COL11A2: variants seen among roughly 807,000 people sequenced by gnomAD.
The protein encoded by COL11A2 is collagen alpha-2(XI) chain.
In COL11A2, 116 loss-of-function variants were observed where a neutral mutation model predicts 273.4. The ratio of observed to expected loss-of-function variants is 0.42; its 90% CI spans 0.36 to 0.49. The LOEUF (loss-of-function observed/expected upper bound fraction) is 0.49. Among genes scored for constraint, COL11A2 ranks in the 20% least tolerant of loss-of-function variants. The probability of loss-of-function intolerance (pLI) is 0.00; values close to 1 mark genes in which losing one functional copy is unlikely to be tolerated. For missense variants in COL11A2, 1,866 were observed against 2,309.0 expected (o/e 0.81, Z 3.93); for synonymous variants, 782 against 864.2 (o/e 0.90, Z 1.67).
chr6:33,179,655 AC>A lies in COL11A2; in HGVS notation c.1446+63del. ...CCCAGGCCTCCCCTGCCGCACACTC[AC>A]TCCAGCCAACCCTTCCAGTGCCCCC... is the stretch of plus-strand genomic sequence containing the variant. On this transcript the variant is annotated intron_variant, in intron 13 of 65. Transcript: ENST00000341947. The surrounding 1 kb of genome is among the most constrained non-coding windows in gnomAD (Gnocchi z 6.4). The A allele has an allele frequency of 6.3e-7, 1 of 1,583,526 alleles. No homozygotes were observed. The highest frequency in any genetic ancestry group is 8.6e-7 in the Non-Finnish European group (1 of 1,160,406).
intron 8 of COL11A2, 53 bp from the exon 9 acceptor site, chr6:33,181,223 C>A: frequency 6.4e-7 from 1 of 1,574,096 alleles, no homozygotes; most frequent in Non-Finnish European, 8.7e-7. Flanking sequence ...AGCCAGGACA[C>A]TAGGCCTTTC....
In COL11A2 at chr6:33,184,061, C is replaced by T. The variant is rs1772053192; in HGVS notation, c.1119+84G>A. On this transcript the variant is annotated intron_variant, in intron 8 of 65. Transcript: ENST00000341947. ...CAGATGGGAAATAGCTCACAGCCAA[C>T]AGCCAAGGATCGAAACCAACAAGAA... 4 of 1,221,078 alleles carry T rather than the reference C, an allele frequency of 3.3e-6. No homozygotes were observed. In the Admixed American group the frequency reaches 5.8e-5, roughly 18 times the overall value. 75.6% of individuals were successfully genotyped at this position (1,221,078 alleles called of 1,614,324 possible). A position where few individuals can be genotyped will look rare whatever the true frequency, so the allele number is the denominator to read the frequency against.
chr6:33,170,259 G>A lies in COL11A2; in HGVS notation c.3582+67C>T. The A allele has an allele frequency of 6.3e-7, 1 of 1,584,364 alleles. No individual in the cohort carries two copies. Among genetic ancestry groups the A allele is most frequent in the East Asian group, 2.3e-5 (1 of 44,274 alleles). On this transcript the variant is annotated intron_variant, in intron 48 of 65. Transcript: ENST00000341947. This position sits in a 1 kb window ranked among gnomAD's most constrained non-coding sequence, Gnocchi z 4.3. Reference sequence around the variant, plus strand: ...CCCCTGAGACGATACTAGAGTTTATGGTCTGGGAAAGGGAGGCAGAAGACC... The same window carrying A: ...CCCCTGAGACGATACTAGAGTTTATAGTCTGGGAAAGGGAGGCAGAAGACC...
intron 45 of COL11A2, 95 bp from the exon 46 acceptor site, chr6:33,171,012 G>A (rs1769967153): frequency 6.3e-7 from 1 of 1,580,948 alleles, no homozygotes. Context: ...CTGGGTGCCA[G>A]GCCCAGAGCC....
rs961563367 is a variant in COL11A2 at position 33,170,253 on chromosome 6, G to C, written c.3582+73C>G. On this transcript the variant is annotated intron_variant, in intron 48 of 65. Transcript: ENST00000341947. The surrounding 1 kb of genome is among the most constrained non-coding windows in gnomAD (Gnocchi z 4.3). Reference sequence around the variant, plus strand: ...TCTTGGCCCCTGAGACGATACTAGAGTTTATGGTCTGGGAAAGGGAGGCAG... The same window carrying C: ...TCTTGGCCCCTGAGACGATACTAGACTTTATGGTCTGGGAAAGGGAGGCAG... 4.4e-6 allele frequency: 7 copies of C among 1,582,712 alleles called. No homozygotes were observed. Among genetic ancestry groups the C allele is most frequent in the Non-Finnish European group, 6.1e-6 (7 of 1,156,156 alleles).
In COL11A2 at chr6:33,190,605, G is replaced by A. The variant is rs139365965; in HGVS notation, c.83-1136C>T. On this transcript the variant is annotated intron_variant, in intron 1 of 65. Transcript: ENST00000341947. This position sits in a 1 kb window ranked among gnomAD's most constrained non-coding sequence, Gnocchi z 4.5. ...AGAGCAATCAGGAGAGTGGAGCTGG[G>A]TGGGGTGGGTGAGGTGGGGCGGGCA... Among the ~76,000 whole-genome samples the A allele has an allele frequency of 4.8e-3, 734 of 151,958 alleles. 2 individuals are homozygous for A. Among genetic ancestry groups the A allele is most frequent in the Middle Eastern group, 0.01 (3 of 294 alleles).
At chr6:33,192,742 T>A (rs1773300660), upstream of COL11A2, among the ~76,000 whole-genome samples, 1 of 151,018 alleles carries the variant, frequency 6.6e-6, no homozygotes, top group Non-Finnish European at 1.5e-5. Flanking sequence ...ACACACTCCC[T>A]CCCATTCCCT....
At position 33,175,829 on chromosome 6, in the gene COL11A2, T is replaced by C; in HGVS notation, c.2269-148A>G. 3.7e-6 allele frequency: 4 copies of C among 1,068,186 alleles called. No homozygotes were observed. In the Admixed American group the frequency reaches 7.0e-5, roughly 19 times the overall value. 66.2% of individuals were successfully genotyped at this position (1,068,186 alleles called of 1,614,324 possible). A position where few individuals can be genotyped will look rare whatever the true frequency, so the allele number is the denominator to read the frequency against. On this transcript the variant is annotated intron_variant, in intron 29 of 65. Coordinates refer to ENST00000341947, the MANE Select transcript of COL11A2 (RefSeq NM_080680.3). ...GGAAGCCCACAGGGTAGGGATAGTGTAGTGATGGGAGGGCAGGCATGACAC... is the reference window on the plus strand; with the variant it reads ...GGAAGCCCACAGGGTAGGGATAGTGCAGTGATGGGAGGGCAGGCATGACAC...
chr6:33,168,649 G>T, intron 53 of COL11A2, 57 bp downstream of exon 53: 3 of 1,596,274 alleles, frequency 1.9e-6, no homozygotes, highest in Non-Finnish European at 2.6e-6. Context: ...GCACAGAAGA[G>T]GGGTAAAGAG....
At chr6:33,192,523 C>T (rs1773275633), upstream of COL11A2, 4 of 516,590 alleles carry the variant, frequency 7.7e-6, no homozygotes, top group Non-Finnish European at 1.4e-5. Context: ...CCCGGCCCGG[C>T]CCCCGCCTCC....
chr6:33,172,327 T>G lies in COL11A2; in HGVS notation c.2950A>C (p.Arg984=), dbSNP rs762356850. Residue 984 remains arginine (R), a synonymous_variant, in exon 40 of 66, where the codon AGG becomes CGG. Coordinates refer to ENST00000341947, the MANE Select transcript of COL11A2 (RefSeq NM_080680.3). ...APGKDGPAGL[R]GFPGERGLPG... ...AGGCCTCTCTCTCCTGGGAATCCCC[T>G]CAGACCAGCAGGACCATCCTTCCCT... The G allele has an allele frequency of 3.8e-6, 6 of 1,589,064 alleles. No homozygotes were observed. The highest frequency in any genetic ancestry group is 4.3e-6 in the Non-Finnish European group (5 of 1,168,588).
At chr6:33,184,392 C>G in intron 7 of COL11A2, 68 bp from the exon 8 acceptor site, 15 of 1,148,650 alleles carry the variant, frequency 1.3e-5, no homozygotes, top group Non-Finnish European at 1.7e-5. Flanking sequence ...TTACCCTGGA[C>G]CCCAGGGTGT....
rs1773241905 is a variant in COL11A2 at position 33,192,361 on chromosome 6, G to A, written c.-121C>T. 2 of 996,438 alleles carry A rather than the reference G, an allele frequency of 2.0e-6. No homozygotes were observed. Among genetic ancestry groups the A allele is most frequent in the African/African-American group, 1.6e-5 (1 of 62,452 alleles). 61.7% of individuals were successfully genotyped at this position (996,438 alleles called of 1,614,324 possible). A position where few individuals can be genotyped will look rare whatever the true frequency, so the allele number is the denominator to read the frequency against. ...CCTCAGACGCCGGGGTCCCAGGGAG[G>A]TCAGAGGCTGCGGGCAGCGACAGCT... On this transcript the variant is annotated 5_prime_UTR_variant, in exon 1 of 66. Transcript: ENST00000341947.
In COL11A2 at chr6:33,173,978, C is replaced by T. The variant is rs1368464822; in HGVS notation, c.2529+33G>A. 4 of 1,613,960 alleles carry T rather than the reference C, an allele frequency of 2.5e-6. No homozygotes were observed. Among genetic ancestry groups the T allele is most frequent in the Non-Finnish European group, 3.4e-6 (4 of 1,180,008 alleles). ...GAAACCCAAATGCCCCCCTCTGGAC[C>T]TTGAGCCACCTGTTTCTCTCCCCTG... is the stretch of plus-strand genomic sequence containing the variant. On this transcript the variant is annotated intron_variant, in intron 33 of 65. Transcript: ENST00000341947. The surrounding 1 kb of genome is among the most constrained non-coding windows in gnomAD (Gnocchi z 6.3).
Position 33,164,890 on chromosome 6 carries a change from C to G in COL11A2, c.4825G>C (p.Gly1609Arg). The change falls in exon 64 of 66, where the codon GGT becomes CGT. Residue 1609 changes from glycine to arginine, a missense_variant. Coordinates refer to ENST00000341947, the MANE Select transcript of COL11A2 (RefSeq NM_080680.3). This position sits in a 1 kb window ranked among gnomAD's most constrained non-coding sequence, Gnocchi z 4.7. ...TCCCTAGGCGTCACACAGGTCTCAC[C>G]CCCTGCTGTGAAGTTGCAGAAAACT... ...FRVFCNFTAGGETCVTPRDDV... is the reference protein window; with the variant it reads ...FRVFCNFTAGRETCVTPRDDV... The G allele has an allele frequency of 6.4e-7, 1 of 1,574,108 alleles. No individual in the cohort carries two copies. Among genetic ancestry groups the G allele is most frequent in the Middle Eastern group, 1.7e-4 (1 of 6,014 alleles).
intron 41 of COL11A2, 59 bp from the exon 42 acceptor site, chr6:33,171,879 A>G: frequency 6.3e-7 from 1 of 1,589,540 alleles, no homozygotes; most frequent in South Asian, 1.1e-5. Flanking sequence ...CATACCAGAG[A>G]ACCTCAGACC....
Position 33,176,138 on chromosome 6 carries a change from A to T in COL11A2, c.2215-69T>A. The T allele has an allele frequency of 6.2e-7, 1 of 1,609,680 alleles. No homozygotes were observed. ...CTGGGGTTCTAATGGGAATTCTGAG[A>T]ACATAGGTGGAAGCAGGGGCTCGGG... is the stretch of plus-strand genomic sequence containing the variant. On this transcript the variant is annotated intron_variant, in intron 28 of 65. Coordinates refer to ENST00000341947, the MANE Select transcript of COL11A2 (RefSeq NM_080680.3). The surrounding 1 kb of genome is among the most constrained non-coding windows in gnomAD (Gnocchi z 4.9).
At chr6:33,175,877 T>TA in intron 29 of COL11A2, 139 bp downstream of exon 29, 1 of 1,155,548 alleles carries the variant, frequency 8.7e-7, no homozygotes. Flanking sequence ...TATCATCCTG[T>TA]AGGGGTCAGG....
intron 38 of COL11A2, 63 bp from the exon 39 acceptor site, chr6:33,172,700 C>A: frequency 7.2e-7 from 1 of 1,391,214 alleles, no homozygotes; most frequent in Non-Finnish European, 1.0e-6. Flanking sequence ...GCCAGAAGAG[C>A]CCACCCTGGC....
Sources: allele counts gnomAD v4.1 joint callset (sites outside exome capture counted in the v4.1 genomes callset), GRCh38; gene constraint gnomAD v4.1.1; non-coding constraint Gnocchi (gnomAD v3.1); transcripts MANE v1.5; gene names NCBI Gene and HGNC (gene_info 2026-07-23, HGNC 2026-07-21).